GRID2: variants seen among roughly 807,000 people sequenced by gnomAD.
The protein encoded by GRID2 is glutamate receptor ionotropic, delta-2.
GRID2 carries 33 observed loss-of-function variants against 114.8 expected under a neutral mutation model. The observed-to-expected ratio is 0.29, with a 90% CI of 0.22 to 0.38. GRID2 has a LOEUF of 0.38. Ranked by LOEUF, GRID2 falls within the 10% of genes least tolerant of loss-of-function variation. GRID2 has a pLI of 1.00. For missense variants in GRID2, 1,184 were observed against 1,257.7 expected (o/e 0.94, Z 0.89); for synonymous variants, 505 against 449.9 (o/e 1.12, Z -1.55).
At chr4:93,622,709 A>G (rs943063467) in intron 13 of GRID2, among the ~76,000 whole-genome samples, 1 of 152,208 alleles carries the variant, frequency 6.6e-6, no homozygotes, top group Non-Finnish European at 1.5e-5. Context: ...AAAGACAGTA[A>G]GTATCCACTG....
chr4:92,752,724 A>T (rs896439303), intron 2 of GRID2, among the ~76,000 whole-genome samples: 3 of 152,102 alleles, frequency 2.0e-5, no homozygotes, highest in African/African-American at 7.2e-5. Context: ...GATTTGAAAA[A>T]CTTTTACTGA....
At chr4:93,666,496 T>C (rs1273232463) in intron 14 of GRID2, among the ~76,000 whole-genome samples, 2 of 151,918 alleles carry the variant, frequency 1.3e-5, no homozygotes, top group African/African-American at 4.8e-5. Context: ...ATTTGAAGAG[T>C]GCAATAATTA....
At chr4:93,519,558 C>T (rs907041567) in intron 13 of GRID2, among the ~76,000 whole-genome samples, 1 of 152,040 alleles carries the variant, frequency 6.6e-6, no homozygotes, top group Admixed American at 6.6e-5. Context: ...ATGTGCAGCA[C>T]TAAAATAGGG....
chr4:92,452,524 C>T (rs1720978860), intron 1 of GRID2, among the ~76,000 whole-genome samples: 1 of 152,012 alleles, frequency 6.6e-6, no homozygotes. Flanking sequence ...CCATGTTGGC[C>T]ATGACTGGCC....
At chr4:92,318,305 TATA>T (rs1205043514) in intron 1 of GRID2, among the ~76,000 whole-genome samples, 5 of 132,612 alleles carry the variant, frequency 3.8e-5, no homozygotes, top group African/African-American at 1.5e-4. Flanking sequence ...TATATATATA[TATA>T]TTTTTTTTTT....
chr4:93,557,886 G>A (rs146013383), intron 13 of GRID2, among the ~76,000 whole-genome samples: 11,505 of 152,136 alleles, frequency 0.076, 586 homozygotes, highest in African/African-American at 0.14. Context: ...ATAACAAACA[G>A]TCTCTCAGAC....
intron 2 of GRID2, among the ~76,000 whole-genome samples, chr4:92,759,635 G>C (rs188696004): frequency 2.6e-5 from 4 of 151,562 alleles, no homozygotes; most frequent in African/African-American, 4.8e-5. Flanking sequence ...ATGGAGTTTC[G>C]CTTTTGTTGC....
At chr4:93,427,470 C>T (rs1768966674) in intron 10 of GRID2, among the ~76,000 whole-genome samples, 1 of 151,908 alleles carries the variant, frequency 6.6e-6, no homozygotes, top group African/African-American at 2.4e-5. Context: ...GTGTGCCTTT[C>T]TAAGGGGCTA....
intron 12 of GRID2, among the ~76,000 whole-genome samples, chr4:93,494,654 A>G (rs990312543): frequency 2.0e-5 from 3 of 151,772 alleles, no homozygotes; most frequent in African/African-American, 4.8e-5. Context: ...TCCTATGTTT[A>G]ATATAATATA....
intron 2 of GRID2, among the ~76,000 whole-genome samples, chr4:92,681,008 A>T (rs183650037): frequency 6.6e-6 from 1 of 152,182 alleles, no homozygotes; most frequent in Admixed American, 6.5e-5. Context: ...AGAAATACCT[A>T]TATTTAAAGA....
chr4:92,853,405 A>G (rs1005720887), intron 2 of GRID2, among the ~76,000 whole-genome samples: 3 of 151,992 alleles, frequency 2.0e-5, no homozygotes, highest in Non-Finnish European at 4.4e-5. Context: ...TTTTTGTTTT[A>G]TCTTTTACAC....
At chr4:92,344,890 A>C (rs1727687638) in intron 1 of GRID2, among the ~76,000 whole-genome samples, 1 of 152,152 alleles carries the variant, frequency 6.6e-6, no homozygotes, top group South Asian at 2.1e-4. Context: ...ACCTTTAAAA[A>C]AAATTATCTC....
intron 2 of GRID2, among the ~76,000 whole-genome samples, chr4:92,839,337 A>T (rs915759066): frequency 6.6e-6 from 1 of 151,102 alleles, no homozygotes; most frequent in Admixed American, 6.6e-5. Flanking sequence ...TTACTTATGT[A>T]TACATGTGCC....
intron 2 of GRID2, among the ~76,000 whole-genome samples, chr4:93,046,221 C>T (rs1284136676): frequency 6.6e-6 from 1 of 152,078 alleles, no homozygotes; most frequent in Non-Finnish European, 1.5e-5. Context: ...GCTCCTCTTT[C>T]CCTCATGATA....
chr4:93,108,150 T>C (rs1273355302), intron 3 of GRID2, among the ~76,000 whole-genome samples: 1 of 152,172 alleles, frequency 6.6e-6, no homozygotes, highest in Non-Finnish European at 1.5e-5. Context: ...AGAGTTTAAA[T>C]ACTAGTTTTG....
At chr4:93,677,767 A>G (rs1024723992) in intron 14 of GRID2, among the ~76,000 whole-genome samples, 3 of 152,152 alleles carry the variant, frequency 2.0e-5, no homozygotes, top group Non-Finnish European at 4.4e-5. Flanking sequence ...CATCCACACC[A>G]AAAACCCATC....
chr4:93,105,657 A>G (rs549962986), intron 3 of GRID2, among the ~76,000 whole-genome samples: 1 of 152,234 alleles, frequency 6.6e-6, no homozygotes, highest in South Asian at 2.1e-4. Flanking sequence ...CCTTCTAGAA[A>G]CAACCCACCT....
intron 2 of GRID2, among the ~76,000 whole-genome samples, chr4:92,778,148 C>A (rs547053068): frequency 1.1e-4 from 16 of 152,228 alleles, no homozygotes; most frequent in Admixed American, 3.3e-4. Context: ...ACATGCTCAT[C>A]CCACTGACCT....
chr4:93,254,935 T>C (rs893673491), intron 8 of GRID2, among the ~76,000 whole-genome samples: 1 of 152,140 alleles, frequency 6.6e-6, no homozygotes, highest in African/African-American at 2.4e-5. Flanking sequence ...TGTTTCACCT[T>C]CTTTTCCTTT....
Sources: allele counts gnomAD v4.1 joint callset (sites outside exome capture counted in the v4.1 genomes callset), GRCh38; gene constraint gnomAD v4.1.1; transcripts MANE v1.5; gene names NCBI Gene and HGNC (gene_info 2026-07-23, HGNC 2026-07-21).